Variants in SLC25A18 observed in about 807,000 individuals in gnomAD.
SLC25A18 encodes solute carrier family 25 member 18.
A neutral mutation model predicts 31.1 loss-of-function variants in SLC25A18; 24 were observed. That is an observed-to-expected ratio of 0.77 (90% confidence interval 0.56 to 1.08). The LOEUF is 1.08. SLC25A18 is among the 50% of genes least tolerant of loss of function. The probability of loss-of-function intolerance (pLI) is 0.00; values close to 1 mark genes in which losing one functional copy is unlikely to be tolerated. For synonymous variants in SLC25A18, 173 were observed against 161.9 expected (o/e 1.07, Z -0.52); for missense variants, 371 against 418.5 (o/e 0.89, Z 0.99).
chr22:17,576,178 C>T (rs2057225029), intron 2 of SLC25A18, among the ~76,000 whole-genome samples: 1 of 151,770 alleles, frequency 6.6e-6, no homozygotes. Flanking sequence ...ATGGTGAAAC[C>T]CCATCTCTAC....
chr22:17,581,539 C>T, intron 5 of SLC25A18, 126 bp downstream of exon 5: 3 of 1,050,542 alleles, frequency 2.9e-6, no homozygotes, highest in South Asian at 1.5e-5. Flanking sequence ...TCCTGATGAG[C>T]CTCTGTGCTC....
At chr22:17,573,024 G>T (rs148151405) in intron 2 of SLC25A18, among the ~76,000 whole-genome samples, 2 of 152,070 alleles carry the variant, frequency 1.3e-5, no homozygotes, top group African/African-American at 4.8e-5. Flanking sequence ...GAGGCGGGAG[G>T]ATCCCTTGAG....
chr22:17,571,888 C>T (rs187395335), intron 2 of SLC25A18, among the ~76,000 whole-genome samples: 4 of 151,962 alleles, frequency 2.6e-5, no homozygotes, highest in South Asian at 2.1e-4. Flanking sequence ...CATGGTGGCT[C>T]GTGCCTGTAA....
Position 17,588,099 on chromosome 22 carries a change from G to A in SLC25A18, c.730+20G>A. Reference sequence around the variant, plus strand: ...TAGATGGTAAGGAGTTGGGAGACGTGTCCTTTCTATGGGATAAACAGTAAT... The same window carrying A: ...TAGATGGTAAGGAGTTGGGAGACGTATCCTTTCTATGGGATAAACAGTAAT... On this transcript the variant is annotated intron_variant, in intron 9 of 10. Coordinates refer to ENST00000327451, the MANE Select transcript of SLC25A18 (RefSeq NM_031481.3). 9 of 1,613,596 alleles carry A rather than the reference G, an allele frequency of 5.6e-6. No individual in the cohort carries two copies. Among genetic ancestry groups the A allele is most frequent in the Non-Finnish European group, 7.6e-6 (9 of 1,179,848 alleles).
intron 1 of SLC25A18, among the ~76,000 whole-genome samples, chr22:17,564,244 G>C (rs2056876116): frequency 1.3e-5 from 2 of 152,194 alleles, no homozygotes; most frequent in Admixed American, 6.5e-5. Context: ...CACCACCTCA[G>C]CCTGCCCTGA....
At chr22:17,584,506 G>A (rs2057482359) in intron 7 of SLC25A18, among the ~76,000 whole-genome samples, 1 of 151,466 alleles carries the variant, frequency 6.6e-6, no homozygotes, top group South Asian at 2.1e-4. Context: ...GCCGCCCAGC[G>A]TGGTGGCTCA....
chr22:17,590,071 T>C (rs1320751612), intron 10 of SLC25A18, 24 bp from the exon 11 acceptor site: 5 of 1,613,132 alleles, frequency 3.1e-6, no homozygotes, highest in Non-Finnish European at 4.2e-6. Context: ...GCCCATCAGC[T>C]CACTGGCTCT....
intron 3 of SLC25A18, chr22:17,580,661 T>C: frequency 2.9e-6 from 3 of 1,019,684 alleles, no homozygotes; most frequent in Non-Finnish European, 3.5e-6. Context: ...CAGTTCTGCC[T>C]GACCTTCAGT....
chr22:17,589,553 G>A (rs1158988366), intron 9 of SLC25A18, 37 bp from the exon 10 acceptor site: 1 of 1,594,060 alleles, frequency 6.3e-7, no homozygotes, highest in East Asian at 2.2e-5. Flanking sequence ...CCGAAAGTAA[G>A]CTGTTCACTA....
chr22:17,580,574 T>C, intron 3 of SLC25A18: 5 of 991,290 alleles, frequency 5.0e-6, no homozygotes, highest in Non-Finnish European at 6.0e-6. Context: ...ACGGTTTCCA[T>C]AGTCCTCAGC....
Position 17,587,173 on chromosome 22 carries a change from C to A in SLC25A18, c.447C>A (p.Thr149=). Residue 149 remains threonine (T), a synonymous_variant, in exon 8 of 11, where the codon ACC becomes ACA. Coordinates refer to ENST00000327451, the MANE Select transcript of SLC25A18 (RefSeq NM_031481.3). ...AGGGCTCGGCCTCAGCACCCTCCAC[C>A]TCCAGGTCCTACACAACTGGTTCGG... is the stretch of plus-strand genomic sequence containing the variant. ...HHQGSASAPS[T]SRSYTTGSAS... The A allele has an allele frequency of 6.2e-7, 1 of 1,614,162 alleles. No homozygotes were observed. Among genetic ancestry groups the A allele is most frequent in the Non-Finnish European group, 8.5e-7 (1 of 1,180,024 alleles).
At chr22:17,566,268 CAGT>C (rs1336077498) in intron 1 of SLC25A18, among the ~76,000 whole-genome samples, 2 of 152,186 alleles carry the variant, frequency 1.3e-5, no homozygotes, top group Non-Finnish European at 2.9e-5. Flanking sequence ...CTAACACTCT[CAGT>C]GGGGGGATAA....
intron 2 of SLC25A18, among the ~76,000 whole-genome samples, chr22:17,571,925 G>A (rs1170940099): frequency 1.3e-5 from 2 of 152,102 alleles, no homozygotes; most frequent in Non-Finnish European, 2.9e-5. Flanking sequence ...GCTGAGGCAG[G>A]AGAATCGCTT....
chr22:17,578,837 T>C (rs1601304626), intron 2 of SLC25A18, among the ~76,000 whole-genome samples: 1 of 151,786 alleles, frequency 6.6e-6, no homozygotes, highest in African/African-American at 2.4e-5. Flanking sequence ...GAGGCAGAGG[T>C]TGCAGTGAGC....
chr22:17,590,261 C>A lies in SLC25A18; in HGVS notation c.*25C>A, dbSNP rs199551666. 37 of 1,613,746 alleles carry A rather than the reference C, an allele frequency of 2.3e-5. No individual in the cohort carries two copies. In the African/African-American group the frequency reaches 4.7e-4, roughly 20 times the overall value. ...GACAGAGCTGGAGGTCAAGTCCCTG[C>A]GCTTGCCGCCCTCTCTCTAGCTGTT... On this transcript the variant is annotated 3_prime_UTR_variant, in exon 11 of 11. Coordinates refer to ENST00000327451, the MANE Select transcript of SLC25A18 (RefSeq NM_031481.3).
At position 17,569,484 on chromosome 22, in the gene SLC25A18, C is replaced by G. The variant is rs937292310; in HGVS notation, c.-263-440C>G. The stretch of plus-strand genomic sequence containing the variant: ...CAGGATCATTGAAATAGCCGGTTAT[C>G]AGCAGTAAGAAAAGTGCATGAGACT... On this transcript the variant is annotated intron_variant, in intron 1 of 10. Transcript: ENST00000327451. 45 of 395,372 alleles carry G rather than the reference C, an allele frequency of 1.1e-4. No individual in the cohort carries two copies. The Admixed American group carries it at 2.8e-3, about 24-fold the overall frequency. 24.5% of individuals were successfully genotyped at this position (395,372 alleles called of 1,614,324 possible). A position where few individuals can be genotyped will look rare whatever the true frequency, so the allele number is the denominator to read the frequency against.
chr22:17,581,186 G>A lies in SLC25A18; in HGVS notation c.143+27G>A, dbSNP rs780400811. 1.9e-6 allele frequency: 3 copies of A among 1,577,822 alleles called. No homozygotes were observed. The African/African-American group carries it at 4.0e-5, about 21-fold the overall frequency. ...TAGGTGCTGGCAGGCGAGCGTGGAG[G>A]GCAGAGGCGCCCGGGGGAGGGATGG... is the stretch of plus-strand genomic sequence containing the variant. On this transcript the variant is annotated intron_variant, in intron 4 of 10. Transcript: ENST00000327451.
chr22:17,582,454 C>CA (rs2057405816), intron 5 of SLC25A18, 109 bp from the exon 6 acceptor site: 4 of 817,292 alleles, frequency 4.9e-6, no homozygotes, highest in East Asian at 5.8e-5. Flanking sequence ...CACCTGGCCC[C>CA]AAAAATGCCC....
At chr22:17,566,915 C>T (rs927306366) in intron 1 of SLC25A18, among the ~76,000 whole-genome samples, 1 of 152,206 alleles carries the variant, frequency 6.6e-6, no homozygotes, top group Non-Finnish European at 1.5e-5. Flanking sequence ...AATCTCAGCA[C>T]TTTGATAGGC....
Sources: gnomAD v4.1 joint callset for allele counts (sites outside exome capture counted in the v4.1 genomes callset) on GRCh38, gnomAD v4.1.1 for gene constraint, MANE v1.5 for transcripts, NCBI Gene and HGNC (gene_info 2026-07-23, HGNC 2026-07-21) for gene names.